The following ZMYM2 variants were observed in gnomAD, a reference collection of about 807,000 sequenced individuals.
The protein encoded by ZMYM2 is zinc finger MYM-type containing 2, also known as zinc finger MYM-type protein 2.
Under a neutral mutation model 162.8 loss-of-function variants are expected in ZMYM2, and 56 were observed. The observed-to-expected ratio is 0.34, with a 90% CI of 0.28 to 0.43. The LOEUF (loss-of-function observed/expected upper bound fraction) is 0.43. ZMYM2 is among the 20% of genes least tolerant of loss of function. The probability of loss-of-function intolerance (pLI) is 1.00; values close to 1 mark genes in which losing one functional copy is unlikely to be tolerated. For synonymous variants in ZMYM2, 510 were observed against 541.6 expected (o/e 0.94, Z 0.81); for missense variants, 1,275 against 1,621.8 (o/e 0.79, Z 3.67).
the ZMYM2 span, among the ~76,000 whole-genome samples, chr13:19,879,605 A>C: frequency 6.6e-6 from 1 of 152,168 alleles, no homozygotes; most frequent in African/African-American, 2.4e-5. Flanking sequence ...GTTCCTTTTA[A>C]AGATTGTTTT....
chr13:20,028,139 T>C (rs1952752555), intron 9 of ZMYM2: 1 of 165,626 alleles, frequency 6.0e-6, no homozygotes, highest in South Asian at 2.0e-4. Flanking sequence ...TATCACTTAT[T>C]AGTATTTAAA....
At chr13:19,920,613 G>A in the ZMYM2 span, among the ~76,000 whole-genome samples, 1 of 151,800 alleles carries the variant, frequency 6.6e-6, no homozygotes, top group African/African-American at 2.4e-5. Flanking sequence ...ACTGAGGGGA[G>A]AGAAGGAGAG....
chr13:20,086,350 C>T lies in ZMYM2; in HGVS notation c.*336C>T, dbSNP rs1315933356. 4.2e-6 allele frequency: 1 copy of T among 237,012 alleles called. No homozygotes were observed. The highest frequency in any genetic ancestry group is 8.3e-6 in the Non-Finnish European group (1 of 120,532). 14.7% of individuals were successfully genotyped at this position (237,012 alleles called of 1,614,324 possible). A position where few individuals can be genotyped will look rare whatever the true frequency, so the allele number is the denominator to read the frequency against. On this transcript the variant is annotated 3_prime_UTR_variant, in exon 25 of 25. Coordinates refer to ENST00000610343, the MANE Select transcript of ZMYM2 (RefSeq NM_197968.4). ...TAAGAAACATCCATATTGCACAACT[C>T]TACTGTTGCAAAGCTTCCTTGGAAG... is the stretch of plus-strand genomic sequence containing the variant.
At chr13:19,970,149 C>T (rs1956173544) in intron 2 of ZMYM2, 3 of 743,912 alleles carry the variant, frequency 4.0e-6, no homozygotes, top group Non-Finnish European at 4.9e-6. Flanking sequence ...AGTCATTACA[C>T]TAGATCATAG....
the ZMYM2 span, among the ~76,000 whole-genome samples, chr13:19,939,415 T>G: frequency 3.9e-5 from 6 of 152,258 alleles, no homozygotes; most frequent in East Asian, 1.2e-3. Context: ...TTTCTGTATA[T>G]TGGAGTTCTA....
the ZMYM2 span, among the ~76,000 whole-genome samples, chr13:19,915,700 T>A: frequency 2.7e-5 from 4 of 150,478 alleles, no homozygotes; most frequent in African/African-American, 4.9e-5. Context: ...GACAGAGTTT[T>A]GCCATGTTGG....
intron 2 of ZMYM2, among the ~76,000 whole-genome samples, chr13:19,970,882 G>A (rs181079652): frequency 5.1e-4 from 77 of 152,260 alleles, no homozygotes; most frequent in African/African-American, 1.7e-3. Flanking sequence ...CGATGGATTA[G>A]TGGAGTGTTT....
chr13:19,933,461 TTTTA>T, the ZMYM2 span, among the ~76,000 whole-genome samples: 1 of 152,182 alleles, frequency 6.6e-6, no homozygotes, highest in African/African-American at 2.4e-5. Flanking sequence ...TCTTATAATT[TTTTA>T]TTTTAGTTTA....
upstream of ZMYM2, among the ~76,000 whole-genome samples, chr13:19,954,025 G>A (rs1219097529): frequency 1.3e-5 from 2 of 150,740 alleles, no homozygotes. Flanking sequence ...GTAGGCGTTT[G>A]TACCGGGTGC....
chr13:19,958,350 C>T (rs569574828), upstream of ZMYM2, among the ~76,000 whole-genome samples: 1,770 of 152,170 alleles, frequency 0.012, 46 homozygotes, highest in African/African-American at 0.04. Flanking sequence ...GCGGCCCCGC[C>T]GGAGTCTCCC....
In ZMYM2 at chr13:19,962,615, C is replaced by G. The variant is rs548947218; in HGVS notation, c.-11+2589C>G. Among the ~76,000 whole-genome samples the G allele has an allele frequency of 2.8e-5, 4 of 144,802 alleles. No homozygotes were observed. In the Admixed American group the frequency reaches 2.9e-4, roughly 10 times the overall value. The allele number at this position is 144,802 out of a possible 152,430, so 95.0% of individuals were successfully genotyped here. On this transcript the variant is annotated intron_variant, in intron 2 of 24. Transcript: ENST00000610343. Reference sequence around the variant, plus strand: ...TCTTGGCTCACTGCAACCTCTGCCTCCTGGGTTCAAGTGATTCTCCTGCCT... The same window carrying G: ...TCTTGGCTCACTGCAACCTCTGCCTGCTGGGTTCAAGTGATTCTCCTGCCT...
the ZMYM2 span, among the ~76,000 whole-genome samples, chr13:19,927,685 G>C: frequency 6.6e-6 from 1 of 152,176 alleles, no homozygotes; most frequent in Non-Finnish European, 1.5e-5. Context: ...CTTGGCTATA[G>C]ATATGTGAAC....
At chr13:20,016,099 A>G (rs576394477) in intron 6 of ZMYM2, among the ~76,000 whole-genome samples, 3 of 151,130 alleles carry the variant, frequency 2.0e-5, no homozygotes, top group Non-Finnish European at 3.0e-5. Flanking sequence ...CATTTCCTGC[A>G]TTATGGCTTT....
intron 3 of ZMYM2, among the ~76,000 whole-genome samples, chr13:20,001,540 T>C (rs1950392258): frequency 6.6e-6 from 1 of 152,140 alleles, no homozygotes; most frequent in African/African-American, 2.4e-5. Flanking sequence ...GTGAAGATAC[T>C]GTGAATGTTG....
intron 2 of ZMYM2, chr13:19,970,156 A>C: frequency 5.8e-6 from 4 of 685,618 alleles, no homozygotes; most frequent in South Asian, 6.7e-5. Flanking sequence ...ACACTAGATC[A>C]TAGATTTGGA....
chr13:19,999,509 ACT>A (rs1950246219), intron 3 of ZMYM2, among the ~76,000 whole-genome samples: 1 of 152,060 alleles, frequency 6.6e-6, no homozygotes, highest in Non-Finnish European at 1.5e-5. Flanking sequence ...GTGTGTTCTA[ACT>A]CTCCCTCTCC....
chr13:19,974,795 A>G (rs913395539), intron 2 of ZMYM2, among the ~76,000 whole-genome samples: 10 of 152,062 alleles, frequency 6.6e-5, no homozygotes, highest in Non-Finnish European at 8.8e-5. Context: ...GAGATAATAT[A>G]TCTGTTGGAT....
chr13:20,019,080 C>CAAA (rs373936842), intron 6 of ZMYM2, among the ~76,000 whole-genome samples: 3 of 127,340 alleles, frequency 2.4e-5, no homozygotes, highest in South Asian at 5.3e-4. Flanking sequence ...AACTCCATCT[C>CAAA]AAAAAAAAAA....
chr13:20,052,984 T>C, intron 14 of ZMYM2, among the ~76,000 whole-genome samples: 1 of 152,244 alleles, frequency 6.6e-6, no homozygotes, highest in East Asian at 1.9e-4. Flanking sequence ...TCCTGGATTT[T>C]TTTTCCTCCA....
Sources: gnomAD v4.1 joint callset for allele counts (sites outside exome capture counted in the v4.1 genomes callset) on GRCh38, gnomAD v4.1.1 for gene constraint, MANE v1.5 for transcripts, NCBI Gene and HGNC (gene_info 2026-07-23, HGNC 2026-07-21) for gene names.